Variants in RAVER2 observed in about 807,000 individuals in gnomAD.
The protein encoded by RAVER2 is ribonucleoprotein PTB-binding 2.
Under a neutral mutation model 78.1 loss-of-function variants are expected in RAVER2, and 46 were observed. The ratio of observed to expected loss-of-function variants is 0.59; its 90% CI spans 0.46 to 0.75. The LOEUF (loss-of-function observed/expected upper bound fraction) is 0.75. Ranked by LOEUF, RAVER2 falls within the 30% of genes least tolerant of loss-of-function variation. The pLI, the probability that RAVER2 is intolerant of heterozygous loss-of-function variation, is 0.00. For synonymous variants in RAVER2, 311 were observed against 313.3 expected (o/e 0.99, Z 0.08); for missense variants, 793 against 837.5 (o/e 0.95, Z 0.66).
At chr1:64,773,679 C>A (rs1652383317) in intron 2 of RAVER2, among the ~76,000 whole-genome samples, 1 of 152,174 alleles carries the variant, frequency 6.6e-6, no homozygotes, top group South Asian at 2.1e-4. Context: ...GATTTATAAT[C>A]CTTTGGGTAT....
At chr1:64,804,834 A>C (rs771878969) in exon 7 of RAVER2, 1 of 1,541,626 alleles carries the variant, frequency 6.5e-7, no homozygotes. Context: ...ATTCATACTA[A>C]TAATGTAAGT....
intron 1 of RAVER2, among the ~76,000 whole-genome samples, chr1:64,751,616 T>C (rs1021984971): frequency 6.6e-6 from 1 of 152,256 alleles, no homozygotes; most frequent in African/African-American, 2.4e-5. Flanking sequence ...GTTGCTATGT[T>C]GCCCAGGCTG....
intron 1 of RAVER2, among the ~76,000 whole-genome samples, chr1:64,746,616 A>G (rs1181023533): frequency 1.3e-5 from 2 of 152,244 alleles, no homozygotes; most frequent in Non-Finnish European, 2.9e-5. Context: ...TGAACATATA[A>G]CCTTATAACC....
exon 12 of RAVER2, chr1:64,831,923 G>GTATGGCCTACAAAGACCA (rs1216981612): frequency 7.2e-5 from 11 of 152,214 alleles, no homozygotes; most frequent in African/African-American, 2.7e-4. Flanking sequence ...AACAGAGACT[G>GTATGGCCTACAAAGACCA]TATGGCCTAC....
rs562239158 is a variant in RAVER2 at position 64,794,972 on chromosome 1, T to C, written c.1105+5458T>C. Among the ~76,000 whole-genome samples, 5 of 152,282 alleles carry C rather than the reference T, an allele frequency of 3.3e-5. No homozygotes were observed. The East Asian group carries it at 7.7e-4, about 23-fold the overall frequency. On this transcript the variant is annotated intron_variant, in intron 5 of 11. Transcript: ENST00000294428. Reference sequence around the variant, plus strand: ...TATCCCTATATTTAGGTCTATGATCTATTTTGAGTTAATTTTAGTTTGTAG... The same window carrying C: ...TATCCCTATATTTAGGTCTATGATCCATTTTGAGTTAATTTTAGTTTGTAG...
At chr1:64,796,766 G>T (rs146338640) in intron 5 of RAVER2, among the ~76,000 whole-genome samples, 2 of 151,660 alleles carry the variant, frequency 1.3e-5, no homozygotes, top group South Asian at 2.1e-4. Flanking sequence ...ATTGATTTCC[G>T]CTTTAATTAT....
intron 5 of RAVER2, among the ~76,000 whole-genome samples, chr1:64,801,098 ATAT>A (rs1219014858): frequency 2.0e-5 from 3 of 149,164 alleles, no homozygotes; most frequent in East Asian, 1.9e-4. Context: ...ATAATTTTGT[ATAT>A]TATTATTATT....
intron 5 of RAVER2, among the ~76,000 whole-genome samples, chr1:64,799,638 G>A (rs1350472125): frequency 2.6e-5 from 4 of 151,800 alleles, no homozygotes; most frequent in Admixed American, 2.6e-4. Context: ...AGACGGTTTC[G>A]CCATGTTGGC....
intron 1 of RAVER2, among the ~76,000 whole-genome samples, chr1:64,761,648 G>T (rs932206758): frequency 1.3e-5 from 2 of 152,018 alleles, no homozygotes; most frequent in African/African-American, 4.8e-5. Context: ...CTGAGATTAG[G>T]AACAATACAG....
At chr1:64,830,326 T>C (rs1417866719) in intron 11 of RAVER2, among the ~76,000 whole-genome samples, 1 of 152,224 alleles carries the variant, frequency 6.6e-6, no homozygotes, top group Non-Finnish European at 1.5e-5. Context: ...ACCAAAGCTC[T>C]GAGTTTCCCA....
intron 10 of RAVER2, among the ~76,000 whole-genome samples, chr1:64,813,920 A>C (rs1653691760): frequency 6.7e-6 from 1 of 150,000 alleles, no homozygotes; most frequent in Admixed American, 6.7e-5. Flanking sequence ...ATTATACTTT[A>C]AGTTTTAGGG....
At chr1:64,795,679 A>G (rs1486204519) in intron 5 of RAVER2, among the ~76,000 whole-genome samples, 3 of 152,122 alleles carry the variant, frequency 2.0e-5, no homozygotes, top group South Asian at 2.1e-4. Flanking sequence ...GTCTTGCTAA[A>G]CTCACTTATT....
intron 3 of RAVER2, among the ~76,000 whole-genome samples, chr1:64,779,473 A>C (rs61784681): frequency 0.019 from 2,836 of 151,920 alleles, 34 homozygotes; most frequent in Non-Finnish European, 0.026. Context: ...GGTTCAAGCG[A>C]TCTTCTTGTC....
chr1:64,801,089 T>C (rs1653249521), intron 5 of RAVER2, among the ~76,000 whole-genome samples: 1 of 149,384 alleles, frequency 6.7e-6, no homozygotes, highest in African/African-American at 2.4e-5. Context: ...TATATATATA[T>C]AATTTTGTAT....
At chr1:64,772,562 TAGAG>T (rs1482748731) in intron 2 of RAVER2, among the ~76,000 whole-genome samples, 2 of 151,972 alleles carry the variant, frequency 1.3e-5, no homozygotes, top group East Asian at 1.9e-4. Context: ...ATGTTCAAGA[TAGAG>T]AGGTATAAAA....
At chr1:64,788,108 C>T (rs1007860656) in intron 4 of RAVER2, among the ~76,000 whole-genome samples, 24 of 152,250 alleles carry the variant, frequency 1.6e-4, no homozygotes, top group African/African-American at 5.8e-4. Flanking sequence ...GGAAGCTACT[C>T]GATTGCATGT....
At chr1:64,777,783 A>G (rs41285400) in exon 3 of RAVER2, 19,301 of 1,614,106 alleles carry the variant, frequency 0.012, 139 homozygotes, top group Non-Finnish European at 0.015. Flanking sequence ...AAGAGTTTGA[A>G]GAACTTGTTC....
chr1:64,792,167 T>C (rs978164416), intron 5 of RAVER2, among the ~76,000 whole-genome samples: 4 of 152,236 alleles, frequency 2.6e-5, no homozygotes, highest in Non-Finnish European at 5.9e-5. Flanking sequence ...ATCTTATATC[T>C]CTTTGCAGAT....
chr1:64,776,393 G>A (rs539922859), intron 2 of RAVER2, among the ~76,000 whole-genome samples: 2 of 152,282 alleles, frequency 1.3e-5, no homozygotes, highest in South Asian at 2.1e-4. Flanking sequence ...AATGAAAAAT[G>A]TGTTTCTTTA....
Sources: allele counts gnomAD v4.1 joint callset (sites outside exome capture counted in the v4.1 genomes callset), GRCh38; gene constraint gnomAD v4.1.1; transcripts MANE v1.5; gene names NCBI Gene and HGNC (gene_info 2026-07-23, HGNC 2026-07-21).